The following CYREN variants were observed in gnomAD, a reference collection of about 807,000 sequenced individuals.
The protein encoded by CYREN is cell cycle regulator of non-homologous end joining.
In CYREN, 7 loss-of-function variants were observed where a neutral mutation model predicts 9.7. The ratio of observed to expected loss-of-function variants is 0.72; its 90% CI spans 0.41 to 1.36. The LOEUF (loss-of-function observed/expected upper bound fraction) is 1.36. Among genes scored for constraint, CYREN ranks in the 40% most tolerant of loss-of-function variants. The pLI is 0.01. For missense variants in CYREN, 215 were observed against 198.1 expected, an observed-to-expected ratio of 1.09 and a Z score of -0.51; for synonymous variants, 76 against 77.9, an observed-to-expected ratio of 0.98 and a Z score of 0.13.
chr7:135,152,130 A>C (rs1027528331), intron 2 of CYREN, among the ~76,000 whole-genome samples: 1 of 152,240 alleles, frequency 6.6e-6, no homozygotes, highest in Non-Finnish European at 1.5e-5. Context: ...TCTACAAAAT[A>C]AGTTATATAA....
chr7:135,118,289 C>T (rs912723489), intron 2 of CYREN, among the ~76,000 whole-genome samples: 5 of 152,128 alleles, frequency 3.3e-5, no homozygotes, highest in Admixed American at 2.0e-4. Context: ...TTTCTAGATT[C>T]AAAGTATTAA....
At chr7:135,122,071 G>A (rs916135338) in intron 2 of CYREN, among the ~76,000 whole-genome samples, 8 of 152,210 alleles carry the variant, frequency 5.3e-5, no homozygotes, top group Non-Finnish European at 1.0e-4. Context: ...TGTCTAAGCC[G>A]TTTGAGTTCC....
At chr7:135,140,745 A>G (rs902709790) in intron 2 of CYREN, among the ~76,000 whole-genome samples, 2 of 152,022 alleles carry the variant, frequency 1.3e-5, no homozygotes, top group African/African-American at 4.8e-5. Context: ...CTTGATCCCT[A>G]GTTTGTTGAG....
At chr7:135,164,591 T>C (rs2117476588), downstream of CYREN, 1 of 1,614,222 alleles carries the variant, frequency 6.2e-7, no homozygotes, top group African/African-American at 1.3e-5. Context: ...TCGGCTTCTA[T>C]AACTTCTGCC....
At chr7:135,119,407 T>C (rs1246746199) in intron 2 of CYREN, among the ~76,000 whole-genome samples, 1 of 151,822 alleles carries the variant, frequency 6.6e-6, no homozygotes. Flanking sequence ...ATTTTTGTAT[T>C]TTTAGTAGAG....
chr7:135,157,929 G>A (rs1829835245), intron 2 of CYREN, among the ~76,000 whole-genome samples: 1 of 152,180 alleles, frequency 6.6e-6, no homozygotes, highest in African/African-American at 2.4e-5. Flanking sequence ...AGAAGGTGGG[G>A]CCCCTATCAG....
intron 2 of CYREN, among the ~76,000 whole-genome samples, chr7:135,154,059 G>C (rs1829727679): frequency 6.6e-6 from 1 of 152,020 alleles, no homozygotes; most frequent in Admixed American, 6.5e-5. Flanking sequence ...GTTCAATCTT[G>C]GGGGATTTTG....
intron 2 of CYREN, among the ~76,000 whole-genome samples, chr7:135,110,178 G>T (rs982259890): frequency 6.6e-6 from 1 of 152,096 alleles, no homozygotes; most frequent in Admixed American, 6.5e-5. Context: ...CCCTCTGGGA[G>T]CTCTGTCTCA....
At chr7:135,156,923 G>A (rs980377433) in intron 2 of CYREN, among the ~76,000 whole-genome samples, 3 of 152,184 alleles carry the variant, frequency 2.0e-5, no homozygotes, top group Admixed American at 2.0e-4. Flanking sequence ...TAAGTCTCAT[G>A]AGAACCGATG....
chr7:135,119,546 T>C (rs1369652962), intron 2 of CYREN, among the ~76,000 whole-genome samples: 1 of 149,548 alleles, frequency 6.7e-6, no homozygotes, highest in East Asian at 2.0e-4. Flanking sequence ...ATTTAACTTC[T>C]GAAAATGAGA....
At chr7:135,134,253 A>G (rs911440104) in intron 2 of CYREN, among the ~76,000 whole-genome samples, 2 of 152,100 alleles carry the variant, frequency 1.3e-5, no homozygotes, top group African/African-American at 4.8e-5. Context: ...TCTCAAATGC[A>G]GTTAAGTCTA....
At chr7:135,164,461 G>C (rs3800592), downstream of CYREN, 1 of 1,597,988 alleles carries the variant, frequency 6.3e-7, no homozygotes, top group African/African-American at 1.3e-5. Context: ...CCAAGGCCTC[G>C]GTGGCGCGAC....
At chr7:135,114,037 TC>T (rs1825986569) in intron 2 of CYREN, among the ~76,000 whole-genome samples, 1 of 152,244 alleles carries the variant, frequency 6.6e-6, no homozygotes, top group Non-Finnish European at 1.5e-5. Flanking sequence ...AGTATTTCCT[TC>T]CTTTTTAAGA....
chr7:135,126,360 GAAC>G (rs1042120253), intron 2 of CYREN, among the ~76,000 whole-genome samples: 1 of 152,140 alleles, frequency 6.6e-6, no homozygotes, highest in Non-Finnish European at 1.5e-5. Flanking sequence ...TCTTCAAGGA[GAAC>G]TACAGACCAC....
At chr7:135,164,264 A>G (rs1399738885), downstream of CYREN, among the ~76,000 whole-genome samples, 4 of 152,208 alleles carry the variant, frequency 2.6e-5, no homozygotes, top group Non-Finnish European at 5.9e-5. Context: ...TCCTGGCAGG[A>G]GGTTACCTCA....
intron 2 of CYREN, chr7:135,148,052 G>C (rs529980004): frequency 2.2e-5 from 10 of 456,098 alleles, no homozygotes; most frequent in Non-Finnish European, 4.4e-5. Flanking sequence ...ACATCAGTCA[G>C]AACAAATGTA....
At chr7:135,100,981 C>A (rs1823746704) in intron 2 of CYREN, among the ~76,000 whole-genome samples, 1 of 152,160 alleles carries the variant, frequency 6.6e-6, no homozygotes, top group Non-Finnish European at 1.5e-5. Context: ...ACTTTGCATA[C>A]CCTGAGGTGT....
exon 3 of CYREN, chr7:135,093,304 CAT>C (rs1254565884): frequency 1.3e-5 from 2 of 151,826 alleles, no homozygotes; most frequent in Non-Finnish European, 2.9e-5. Context: ...CACACACACA[CAT>C]ACACACGCCA....
At chr7:135,098,213 CA>C (rs1376445554) in intron 2 of CYREN, among the ~76,000 whole-genome samples, 2 of 152,170 alleles carry the variant, frequency 1.3e-5, no homozygotes, top group Non-Finnish European at 2.9e-5. Context: ...TAAATACAGT[CA>C]TCCCTTTGTA....
Sources: gnomAD v4.1 joint callset for allele counts (sites outside exome capture counted in the v4.1 genomes callset) on GRCh38, gnomAD v4.1.1 for gene constraint, MANE v1.5 for transcripts, NCBI Gene and HGNC (gene_info 2026-07-23, HGNC 2026-07-21) for gene names.